TNFSF10: variants seen among roughly 807,000 people sequenced by gnomAD.
TNFSF10 encodes the protein tumor necrosis factor ligand superfamily member 10.
In TNFSF10, 13 loss-of-function variants were observed where a neutral mutation model predicts 29.5. That is an observed-to-expected ratio of 0.44 (90% CI 0.29 to 0.70). The LOEUF is 0.70. Among genes scored for constraint, TNFSF10 ranks in the 30% least tolerant of loss-of-function variants. The probability of loss-of-function intolerance (pLI) is 0.13; values close to 1 mark genes in which losing one functional copy is unlikely to be tolerated. For missense variants in TNFSF10, 345 were observed against 330.9 expected (o/e 1.04, Z -0.33); for synonymous variants, 111 against 112.8 (o/e 0.98, Z 0.10).
intron 2 of TNFSF10, among the ~76,000 whole-genome samples, 181 bp downstream of exon 2, chr3:172,514,680 G>T (rs1352796904): frequency 6.6e-6 from 1 of 152,186 alleles, no homozygotes; most frequent in African/African-American, 2.4e-5. Context: ...GCCCTTTGCT[G>T]CTATGCCCCA....
intron 1 of TNFSF10, chr3:172,522,239 G>C: frequency 1.8e-6 from 1 of 545,404 alleles, no homozygotes; most frequent in Middle Eastern, 5.6e-4. Context: ...AAATCTGTTT[G>C]CCAGAATTCA....
At chr3:172,509,750 C>T (rs1713145182) in intron 3 of TNFSF10, among the ~76,000 whole-genome samples, 1 of 151,960 alleles carries the variant, frequency 6.6e-6, no homozygotes, top group South Asian at 2.1e-4. Flanking sequence ...CAGAGTGGTA[C>T]CAACAAACAG....
chr3:172,506,402 T>C lies in TNFSF10; in HGVS notation c.*90A>G. 1 of 1,444,978 alleles carries C rather than the reference T, an allele frequency of 6.9e-7. No homozygotes were observed. The highest frequency in any genetic ancestry group is 9.3e-7 in the Non-Finnish European group (1 of 1,080,042). 89.5% of individuals were successfully genotyped at this position (1,444,978 alleles called of 1,614,324 possible). ...GTTTTCTGTTTTCTGTTTGTTTGTT[T>C]TGGTCAGATTTTTTGAAACATCTTC... On this transcript the variant is annotated 3_prime_UTR_variant, in exon 5 of 5. Transcript: ENST00000241261.
At chr3:172,516,161 G>A (rs866436125) in intron 1 of TNFSF10, among the ~76,000 whole-genome samples, 26 of 152,178 alleles carry the variant, frequency 1.7e-4, no homozygotes, top group African/African-American at 6.0e-4. Flanking sequence ...CTATTTGGGA[G>A]GCTGAGGCAG....
chr3:172,520,173 T>C (rs1411351995), intron 1 of TNFSF10, among the ~76,000 whole-genome samples: 19 of 152,252 alleles, frequency 1.2e-4, no homozygotes, highest in Non-Finnish European at 7.3e-5. Context: ...TGGTTTATTT[T>C]CAGCAATTTT....
chr3:172,515,818 T>C (rs1197106626), intron 1 of TNFSF10, among the ~76,000 whole-genome samples: 2 of 152,114 alleles, frequency 1.3e-5, no homozygotes, highest in Non-Finnish European at 2.9e-5. Flanking sequence ...TTTAGGCTGA[T>C]AATTGTTTAA....
chr3:172,515,316 TTA>T, intron 1 of TNFSF10, among the ~76,000 whole-genome samples: 1 of 152,296 alleles, frequency 6.6e-6, no homozygotes, highest in Non-Finnish European at 1.5e-5. Flanking sequence ...CTGTGTCTGT[TTA>T]TAGTTTTGAG....
intron 4 of TNFSF10, 94 bp from the exon 5 acceptor site, chr3:172,507,013 T>C (rs1713018498): frequency 8.7e-7 from 1 of 1,145,142 alleles, no homozygotes; most frequent in Non-Finnish European, 1.2e-6. Flanking sequence ...TATATTTTTG[T>C]TGGGCTTGCC....
intron 4 of TNFSF10, among the ~76,000 whole-genome samples, chr3:172,508,855 C>T (rs1713103880): frequency 6.6e-6 from 1 of 151,248 alleles, no homozygotes; most frequent in South Asian, 2.1e-4. Context: ...TGCCATTGCA[C>T]TCCAGCCTGG....
chr3:172,513,834 A>T (rs1477583441), intron 2 of TNFSF10, among the ~76,000 whole-genome samples: 1 of 146,590 alleles, frequency 6.8e-6, no homozygotes, highest in Non-Finnish European at 1.5e-5. Flanking sequence ...GGCAGAAGCA[A>T]TTTTTTTTTT....
chr3:172,513,730 C>T (rs1216126128), intron 2 of TNFSF10, among the ~76,000 whole-genome samples: 1 of 152,160 alleles, frequency 6.6e-6, no homozygotes, highest in African/African-American at 2.4e-5. Context: ...GGGAATTCCC[C>T]CAGTTAACGT....
rs769279869 is a variant in TNFSF10, at chr3:172,506,851, A to T, written c.487T>A (p.Phe163Ile). ...TTCCTCAAGTGCAAGTTGCTCAGGA[A>T]TGAATGCCCACTCCTTGATGATTCC... ...SWESSRSGHSFLSNLHLRNGE... is the reference protein window; with the variant it reads ...SWESSRSGHSILSNLHLRNGE... Residue 163 changes from phenylalanine to isoleucine, a missense_variant, in exon 5 of 5, where the codon TTC (phenylalanine) becomes ATC (isoleucine). Coordinates refer to ENST00000241261, the MANE Select transcript of TNFSF10 (RefSeq NM_003810.4). The T allele has an allele frequency of 2.5e-6, 4 of 1,614,204 alleles. No individual in the cohort carries two copies. The Admixed American group carries it at 6.7e-5, about 27-fold the overall frequency.
chr3:172,513,326 G>C (rs1055953181), intron 2 of TNFSF10, among the ~76,000 whole-genome samples: 4 of 152,168 alleles, frequency 2.6e-5, no homozygotes, highest in Admixed American at 2.6e-4. Context: ...CCGGGAACTT[G>C]GGAGTTTCAT....
rs999550494 is a variant in TNFSF10 at position 172,522,060 on chromosome 3, G to A, written c.132+1193C>T. Among the ~76,000 whole-genome samples, 3 of 111,198 alleles carry A rather than the reference G, an allele frequency of 2.7e-5. No homozygotes were observed. In the South Asian group the frequency reaches 9.9e-4, roughly 37 times the overall value. 73.0% of individuals were successfully genotyped at this position (111,198 alleles called of 152,430 possible). On this transcript the variant is annotated intron_variant, in intron 1 of 4. Coordinates refer to ENST00000241261, the MANE Select transcript of TNFSF10 (RefSeq NM_003810.4). ...GCCTGTCGGGGGTGGGAGGCTAGGG[G>A]AGGGAGAGCATTAGAACAAATCCTA...
rs138290134 is a variant in TNFSF10, at chr3:172,512,331, T to C, written c.271-672A>G. ...TGTACTAACCAGTGGGGAAAACCAG[T>C]AAGAAAGAGTGAAAACCAAACCTCT... is the stretch of plus-strand genomic sequence containing the variant. On this transcript the variant is annotated intron_variant, in intron 2 of 4. Coordinates refer to ENST00000241261, the MANE Select transcript of TNFSF10 (RefSeq NM_003810.4). Among the ~76,000 whole-genome samples, 95 of 152,268 alleles carry C rather than the reference T, an allele frequency of 6.2e-4. 1 individual carries two copies. In the East Asian group the frequency reaches 0.018, roughly 29 times the overall value.
chr3:172,508,094 G>C (rs1466796161), intron 4 of TNFSF10, among the ~76,000 whole-genome samples: 1 of 152,024 alleles, frequency 6.6e-6, no homozygotes, highest in Admixed American at 6.6e-5. Context: ...TGTAATTCCA[G>C]CACTTTGGGA....
chr3:172,518,349 CA>C (rs1713528834), intron 1 of TNFSF10: 1 of 1,274,790 alleles, frequency 7.8e-7, no homozygotes, highest in Non-Finnish European at 1.0e-6. Context: ...CAGGGTCAAC[CA>C]GTCCTTGATG....
At position 172,506,831 on chromosome 3, in the gene TNFSF10, C is replaced by T. The variant is rs1713006448; in HGVS notation, c.507G>A (p.Leu169=). The T allele has an allele frequency of 6.2e-7, 1 of 1,614,152 alleles. No homozygotes were observed. Among genetic ancestry groups the T allele is most frequent in the Non-Finnish European group, 8.5e-7 (1 of 1,180,022 alleles). The change falls in exon 5 of 5, where the codon TTG becomes TTA. Residue 169 remains leucine, a synonymous_variant. Coordinates refer to ENST00000241261, the MANE Select transcript of TNFSF10 (RefSeq NM_003810.4). ...CATGGATGACCAGTTCACCATTCCT[C>T]AAGTGCAAGTTGCTCAGGAATGAAT... ...SGHSFLSNLH[L]RNGELVIHEK...
At position 172,517,687 on chromosome 3, in the gene TNFSF10, A is replaced by G; in HGVS notation, c.133-2689T>C. 7.1e-6 allele frequency: 7 copies of G among 985,336 alleles called. No individual in the cohort carries two copies. The South Asian group carries it at 3.3e-4, about 46-fold the overall frequency. The allele number at this position is 985,336 out of a possible 1,614,324, so 61.0% of individuals were successfully genotyped here. On this transcript the variant is annotated intron_variant, in intron 1 of 4. Transcript: ENST00000241261. Reference sequence around the variant, plus strand: ...TTTTGAGTATGGTTGTTTTCTCATAAGACTATATAAAAATGCTGTGTTCTT... The same window carrying G: ...TTTTGAGTATGGTTGTTTTCTCATAGGACTATATAAAAATGCTGTGTTCTT...
Sources: gnomAD v4.1 joint callset for allele counts (sites outside exome capture counted in the v4.1 genomes callset) on GRCh38, gnomAD v4.1.1 for gene constraint, MANE v1.5 for transcripts, NCBI Gene and HGNC (gene_info 2026-07-23, HGNC 2026-07-21) for gene names.